Variants in REV1 observed in about 807,000 individuals in gnomAD.
REV1 encodes REV1 DNA directed polymerase.
Under a neutral mutation model 137.4 loss-of-function variants are expected in REV1, and 42 were observed. The observed-to-expected ratio is 0.31, with a 90% CI of 0.24 to 0.40. The LOEUF (loss-of-function observed/expected upper bound fraction) is 0.40, where lower values mean the gene tolerates loss of function less well. REV1 is among the 10% of genes least tolerant of loss of function. REV1 has a pLI of 1.00. For synonymous variants in REV1, 524 were observed against 519.2 expected, an observed-to-expected ratio of 1.01 and a Z score of -0.12; for missense variants, 1,282 against 1,490.1, an observed-to-expected ratio of 0.86 and a Z score of 2.30.
chr2:99,483,319 A>C (rs1168475953), intron 1 of REV1, among the ~76,000 whole-genome samples: 4 of 152,230 alleles, frequency 2.6e-5, no homozygotes, highest in Non-Finnish European at 4.4e-5. Context: ...GAAATGATGG[A>C]GCTTAGAGAA....
intron 9 of REV1, among the ~76,000 whole-genome samples, chr2:99,428,181 G>A (rs1463752423): frequency 6.6e-6 from 1 of 152,092 alleles, no homozygotes; most frequent in East Asian, 1.9e-4. Context: ...TTACCAACTA[G>A]CGAAATTCAA....
chr2:99,489,097 C>G (rs1328847082), intron 1 of REV1, among the ~76,000 whole-genome samples: 3 of 152,182 alleles, frequency 2.0e-5, no homozygotes, highest in Admixed American at 2.0e-4. Context: ...CACAGCGCGG[C>G]TCGGTGCGCC....
intron 1 of REV1, among the ~76,000 whole-genome samples, chr2:99,485,350 G>A (rs1361709263): frequency 6.6e-6 from 1 of 152,118 alleles, no homozygotes; most frequent in Non-Finnish European, 1.5e-5. Context: ...GAAAAGAACA[G>A]AAAGATACAG....
At chr2:99,406,229 A>T (rs1207868905) in intron 16 of REV1, 96 bp downstream of exon 16, 2 of 1,438,510 alleles carry the variant, frequency 1.4e-6, no homozygotes, top group Non-Finnish European at 1.9e-6. Context: ...ATAAATTTTT[A>T]AAATCACATA....
At chr2:99,404,033 A>C (rs1372093174) in intron 18 of REV1, among the ~76,000 whole-genome samples, 1 of 152,126 alleles carries the variant, frequency 6.6e-6, no homozygotes, top group Non-Finnish European at 1.5e-5. Context: ...GTACTAACTT[A>C]AAGAAACCCA....
chr2:99,481,633 C>A (rs1282268706), intron 1 of REV1, among the ~76,000 whole-genome samples: 1 of 152,130 alleles, frequency 6.6e-6, no homozygotes, highest in African/African-American at 2.4e-5. Flanking sequence ...GAGGCCAAGG[C>A]AGGAGGATCA....
At chr2:99,414,232 A>G (rs1257579622) in intron 12 of REV1, among the ~76,000 whole-genome samples, 1 of 152,230 alleles carries the variant, frequency 6.6e-6, no homozygotes, top group African/African-American at 2.4e-5. Flanking sequence ...TCAGTAGCAG[A>G]AAAACTATCT....
intron 12 of REV1, among the ~76,000 whole-genome samples, chr2:99,413,188 CTT>C (rs1677419519): frequency 6.6e-6 from 1 of 152,162 alleles, no homozygotes; most frequent in Non-Finnish European, 1.5e-5. Context: ...GAACCAGAAA[CTT>C]TTAAAATATG....
chr2:99,425,536 A>G (rs890649497), intron 9 of REV1, among the ~76,000 whole-genome samples: 13 of 152,208 alleles, frequency 8.5e-5, no homozygotes, highest in African/African-American at 2.9e-4. Context: ...CCTATGGTCA[A>G]CAGGCTTTGT....
intron 15 of REV1, among the ~76,000 whole-genome samples, chr2:99,407,251 G>A (rs185236073): frequency 6.0e-5 from 9 of 151,162 alleles, no homozygotes; most frequent in Admixed American, 2.0e-4. Context: ...CACCACACCC[G>A]GCTAATTTTT....
At chr2:99,478,781 C>T (rs938746842) in intron 1 of REV1, among the ~76,000 whole-genome samples, 3 of 152,176 alleles carry the variant, frequency 2.0e-5, no homozygotes, top group East Asian at 3.9e-4. Flanking sequence ...CCAACTCCAA[C>T]GTTTCTGATT....
chr2:99,452,219 A>C (rs543889688), intron 3 of REV1, among the ~76,000 whole-genome samples: 6 of 152,140 alleles, frequency 3.9e-5, no homozygotes, highest in Admixed American at 2.6e-4. Flanking sequence ...GAGCTCAGGA[A>C]TTCAAGACCA....
chr2:99,439,281 T>G lies in REV1; in HGVS notation c.533A>C (p.Glu178Ala). 6.2e-7 allele frequency: 1 copy of G among 1,612,976 alleles called. No individual in the cohort carries two copies. Among genetic ancestry groups the G allele is most frequent in the South Asian group, 1.1e-5 (1 of 90,992 alleles). ...VNHIVKKIET[E>A]NEVKVNGMNS... ...CATGCCATTGACTTTGACTTCATTT[T>G]CCGTTTCAATCTTCTTAACGATGTG... Residue 178 changes from glutamate (E) to alanine (A), a missense_variant, in exon 6 of 23, where the codon GAA (glutamate) becomes GCA (alanine). Coordinates refer to ENST00000258428, the MANE Select transcript of REV1 (RefSeq NM_016316.4).
intron 13 of REV1, 84 bp downstream of exon 13, chr2:99,412,647 G>T: frequency 9.7e-7 from 1 of 1,030,696 alleles, no homozygotes. Context: ...CAAGCATTGA[G>T]GGTCTAATGG....
intron 3 of REV1, among the ~76,000 whole-genome samples, chr2:99,460,873 A>C (rs7421436): frequency 6.6e-5 from 10 of 152,230 alleles, no homozygotes; most frequent in Non-Finnish European, 1.2e-4. Flanking sequence ...AAGCAGATTT[A>C]GAATTCCAGA....
At chr2:99,403,277 C>T in intron 19 of REV1, 171 bp from the exon 20 acceptor site, 1 of 614,160 alleles carries the variant, frequency 1.6e-6, no homozygotes, top group Non-Finnish European at 2.8e-6. Context: ...TACAGGCTCT[C>T]CAATTCTCTC....
chr2:99,438,450 T>C lies in REV1; in HGVS notation c.1213+151A>G, dbSNP rs1681046884. The C allele has an allele frequency of 1.2e-5, 7 of 594,646 alleles. No individual in the cohort carries two copies. The East Asian group carries it at 2.0e-4, about 17-fold the overall frequency. The allele number at this position is 594,646 out of a possible 1,614,324, so 36.8% of individuals were successfully genotyped here. ...TAAAAATATTTTAATAAATTAGCTT[T>C]CTATGTTATGCTTACTGTAACTTAC... On this transcript the variant is annotated intron_variant, in intron 6 of 22. Coordinates refer to ENST00000258428, the MANE Select transcript of REV1 (RefSeq NM_016316.4).
rs778665764 is a variant in REV1, at chr2:99,449,515, T to C, written c.182-11A>G. On this transcript the variant is annotated splice_polypyrimidine_tract_variant and intron_variant, in intron 3 of 22. Transcript: ENST00000258428. ...CCTCAGCGGAAGGATCTGCAAAATT[T>C]ATATTAAAATATATTAAGAGTCTTA... The C allele has an allele frequency of 7.5e-7, 1 of 1,335,274 alleles. No homozygotes were observed. Among genetic ancestry groups the C allele is most frequent in the Admixed American group, 2.7e-5 (1 of 37,354 alleles). 82.7% of individuals were successfully genotyped at this position (1,335,274 alleles called of 1,614,324 possible).
intron 4 of REV1, among the ~76,000 whole-genome samples, chr2:99,445,651 A>G (rs1682104786): frequency 6.6e-6 from 1 of 152,224 alleles, no homozygotes; most frequent in Non-Finnish European, 1.5e-5. Context: ...CAAGACAAAG[A>G]CTGTGACAAA....
Sources: allele counts gnomAD v4.1 joint callset (sites outside exome capture counted in the v4.1 genomes callset), GRCh38; gene constraint gnomAD v4.1.1; transcripts MANE v1.5; gene names NCBI Gene and HGNC (gene_info 2026-07-23, HGNC 2026-07-21).